SETD3: variants seen among roughly 807,000 people sequenced by gnomAD.
SETD3 encodes actin-histidine N-methyltransferase.
SETD3 carries 19 observed loss-of-function variants against 63.0 expected under a neutral mutation model. The observed-to-expected ratio is 0.30, with a 90% CI of 0.21 to 0.44. The LOEUF (loss-of-function observed/expected upper bound fraction) is 0.44. SETD3 is among the 20% of genes least tolerant of loss of function. The pLI, the probability that SETD3 is intolerant of heterozygous loss-of-function variation, is 1.00. For synonymous variants in SETD3, 286 were observed against 264.1 expected, an observed-to-expected ratio of 1.08 and a Z score of -0.80; for missense variants, 587 against 728.5, an observed-to-expected ratio of 0.81 and a Z score of 2.24.
At position 99,420,947 on chromosome 14, in the gene SETD3, C is replaced by CGG. The variant is rs559807226; in HGVS notation, c.676-7015_676-7014dup. Among the ~76,000 whole-genome samples, 9 of 7,384 alleles carry CGG rather than the reference C, an allele frequency of 1.2e-3. 1 individual carries two copies. The highest frequency in any genetic ancestry group is 2.8e-3 in the Admixed American group (1 of 362). The allele number at this position is 7,384 out of a possible 152,430, so 4.8% of individuals were successfully genotyped here. The stretch of plus-strand genomic sequence containing the variant: ...CTCACTGGAAAAAGCCAGGCGAGGG[C>CGG]GGGGGGGGGGGGGGGGGGGGGGGGG... On this transcript the variant is annotated intron_variant, in intron 6 of 12. Transcript: ENST00000331768.
chr14:99,409,246 G>C (rs748724879), intron 8 of SETD3, among the ~76,000 whole-genome samples: 33 of 152,168 alleles, frequency 2.2e-4, no homozygotes, highest in Non-Finnish European at 4.4e-4. Context: ...AAAATGGCAT[G>C]AAAAGTCTCA....
In SETD3 at chr14:99,463,569, C is replaced by A. The variant is rs1895197066; in HGVS notation, c.113G>T (p.Ser38Ile). The change falls in exon 3 of 13, where the codon AGT becomes ATT. Residue 38 changes from serine to isoleucine, a missense_variant. Physicochemically the swap from Ser to Ile is moderately radical, Grantham distance 142. Coordinates refer to ENST00000331768, the MANE Select transcript of SETD3 (RefSeq NM_032233.3). ...LTSELLQKCS[S>I]PAPGPGKEWE... ...CTCTTTTCCTGGGCCAGGCGCCGGA[C>A]TGCTGCATTCTGTAACATAAGAGGC... 2.5e-6 allele frequency: 4 copies of A among 1,613,440 alleles called. No individual in the cohort carries two copies. The highest frequency in any genetic ancestry group is 3.4e-6 in the Non-Finnish European group (4 of 1,179,606).
At chr14:99,455,635 T>C (rs1478905781) in intron 6 of SETD3, among the ~76,000 whole-genome samples, 1 of 152,208 alleles carries the variant, frequency 6.6e-6, no homozygotes, top group African/African-American at 2.4e-5. Flanking sequence ...CCAGTGTTGG[T>C]AGGCCTCAGG....
upstream of SETD3, chr14:99,480,983 C>A (rs3918029): frequency 8.3e-3 from 1,283 of 154,624 alleles, 15 homozygotes; most frequent in African/African-American, 0.029. Context: ...GCCCCGCCAC[C>A]CAGCCGGCGT....
At chr14:99,426,882 G>A (rs1445791057) in intron 6 of SETD3, among the ~76,000 whole-genome samples, 1 of 152,048 alleles carries the variant, frequency 6.6e-6, no homozygotes, top group Admixed American at 6.5e-5. Context: ...CACCTCGCTC[G>A]GCCAACGAGG....
In SETD3 at chr14:99,480,766, C is replaced by G. The variant is rs1896266273; in HGVS notation, c.-47G>C. 6.5e-6 allele frequency: 1 copy of G among 153,618 alleles called. No individual in the cohort carries two copies. Among genetic ancestry groups the G allele is most frequent in the South Asian group, 2.0e-4 (1 of 4,938 alleles). The allele number at this position is 153,618 out of a possible 1,614,324, so 9.5% of individuals were successfully genotyped here. On this transcript the variant is annotated 5_prime_UTR_variant, in exon 1 of 13. Coordinates refer to ENST00000331768, the MANE Select transcript of SETD3 (RefSeq NM_032233.3). ...CTAGCGCAGCGGGAACGACGTACTC[C>G]GGCCCGGACCCCGCCGTCCGCCTCA...
chr14:99,455,849 A>T (rs1242796824), intron 6 of SETD3, among the ~76,000 whole-genome samples: 1 of 152,160 alleles, frequency 6.6e-6, no homozygotes, highest in Non-Finnish European at 1.5e-5. Context: ...CACACTCCCA[A>T]TTCAACAATA....
intron 6 of SETD3, among the ~76,000 whole-genome samples, chr14:99,425,763 T>C (rs1315187901): frequency 6.6e-6 from 1 of 152,194 alleles, no homozygotes; most frequent in East Asian, 1.9e-4. Context: ...GTAAAGATGG[T>C]ACAGAAGAGA....
At chr14:99,460,825 T>G (rs1209444993) in intron 4 of SETD3, among the ~76,000 whole-genome samples, 2 of 152,182 alleles carry the variant, frequency 1.3e-5, no homozygotes, top group African/African-American at 2.4e-5. Context: ...CTAGTAGGCA[T>G]ACCCACACCG....
chr14:99,474,932 TTC>T (rs1895894632), intron 1 of SETD3, among the ~76,000 whole-genome samples: 1 of 152,204 alleles, frequency 6.6e-6, no homozygotes, highest in African/African-American at 2.4e-5. Context: ...AACTAAACAT[TTC>T]TGACTGACTT....
Position 99,463,510 on chromosome 14 carries a change from C to T in SETD3, c.172G>A (p.Glu58Lys), listed in dbSNP as rs1895192623. The T allele has an allele frequency of 6.2e-7, 1 of 1,613,866 alleles. No individual in the cohort carries two copies. Among genetic ancestry groups the T allele is most frequent in the Non-Finnish European group, 8.5e-7 (1 of 1,179,978 alleles). The change falls in exon 3 of 13, where the codon GAG (glutamate) becomes AAG (lysine). Residue 58 changes from glutamate (E) to lysine (K), a missense_variant. Physicochemically the swap from Glu to Lys is moderately conservative, Grantham distance 56. Transcript: ENST00000331768. ...EEYVQIRTLV[E>K]KIRKKQKGLS... is the part of the protein sequence containing the mutation. ...CCTTTTTGCTTTTTCCGTATTTTCT[C>T]AACCAGAGTCCGGATCTGCACATAC... is the stretch of plus-strand genomic sequence containing the variant.
In SETD3 at chr14:99,433,940, T is replaced by C. The variant is rs374319447; in HGVS notation, c.676-20006A>G. Among the ~76,000 whole-genome samples the C allele has an allele frequency of 2.6e-5, 4 of 152,342 alleles. No individual in the cohort carries two copies. The South Asian group carries it at 8.3e-4, about 32-fold the overall frequency. On this transcript the variant is annotated intron_variant, in intron 6 of 12. Coordinates refer to ENST00000331768, the MANE Select transcript of SETD3 (RefSeq NM_032233.3). ...TGAGGGAGTAGAGCAACTAGGATGC[T>C]TGTGGATAGCTGGTGCGAGTGTAAA...
intron 6 of SETD3, among the ~76,000 whole-genome samples, chr14:99,426,267 T>C (rs183025433): frequency 4.9e-4 from 74 of 152,358 alleles, no homozygotes; most frequent in African/African-American, 1.5e-3. Flanking sequence ...CCACGTGAAA[T>C]TGCTCCTGAG....
At position 99,457,877 on chromosome 14, in the gene SETD3, TTAAC is replaced by T. The variant is rs1193066925; in HGVS notation, c.675+398_675+401del. On this transcript the variant is annotated intron_variant, in intron 6 of 12. Coordinates refer to ENST00000331768, the MANE Select transcript of SETD3 (RefSeq NM_032233.3). ...AACATAAATGTTATAATTTGCTAAA[TTAAC>T]TGTCAATATTTTACACTAACATATA... Among the ~76,000 whole-genome samples, 6 of 152,364 alleles carry T rather than the reference TTAAC, an allele frequency of 3.9e-5. No individual in the cohort carries two copies. The South Asian group carries it at 1.2e-3, about 32-fold the overall frequency.
chr14:99,479,010 C>T (rs1171167740), intron 1 of SETD3, among the ~76,000 whole-genome samples: 7 of 152,206 alleles, frequency 4.6e-5, no homozygotes, highest in Admixed American at 4.6e-4. Flanking sequence ...AGTCACTGTG[C>T]TCTTACGAGA....
chr14:99,464,240 C>T (rs186717421), intron 2 of SETD3, among the ~76,000 whole-genome samples: 1 of 152,232 alleles, frequency 6.6e-6, no homozygotes, highest in Non-Finnish European at 1.5e-5. Context: ...GCACACTGGG[C>T]ACCCCGCCTA....
chr14:99,404,224 C>A lies in SETD3; in HGVS notation c.1177+1G>T. On this transcript the variant is annotated splice_donor_variant, in intron 11 of 12. Transcript: ENST00000331768. LOFTEE classifies it high-confidence loss of function. ...ATCTCTTTTTTCCTGAAATGACTTACCTTCAGTCATACAGAATACTCGGAG... is the reference window on the plus strand; with the variant it reads ...ATCTCTTTTTTCCTGAAATGACTTAACTTCAGTCATACAGAATACTCGGAG... The A allele has an allele frequency of 6.2e-7, 1 of 1,612,082 alleles. No homozygotes were observed. Among genetic ancestry groups the A allele is most frequent in the Non-Finnish European group, 8.5e-7 (1 of 1,178,478 alleles).
chr14:99,439,416 T>C (rs563985934), intron 6 of SETD3, among the ~76,000 whole-genome samples: 1 of 152,298 alleles, frequency 6.6e-6, no homozygotes, highest in South Asian at 2.1e-4. Flanking sequence ...CCACTTTTGC[T>C]CGTCAACATT....
chr14:99,431,493 A>T (rs1005394774), intron 6 of SETD3, among the ~76,000 whole-genome samples: 18 of 147,148 alleles, frequency 1.2e-4, no homozygotes, highest in Non-Finnish European at 2.3e-4. Flanking sequence ...ATTAGTAGGA[A>T]TTTTTTTTTT....
Sources: gnomAD v4.1 joint callset for allele counts (sites outside exome capture counted in the v4.1 genomes callset) on GRCh38, gnomAD v4.1.1 for gene constraint, MANE v1.5 for transcripts, NCBI Gene and HGNC (gene_info 2026-07-23, HGNC 2026-07-21) for gene names.